The following PLXDC2 variants were observed in gnomAD, a reference collection of about 807,000 sequenced individuals.
PLXDC2 encodes plexin domain-containing protein 2.
Under a neutral mutation model 68.9 loss-of-function variants are expected in PLXDC2, and 40 were observed. The observed-to-expected ratio is 0.58, with a 90% confidence interval of 0.45 to 0.76. PLXDC2 has a LOEUF of 0.76. PLXDC2 is among the 30% of genes least tolerant of loss of function. PLXDC2 has a pLI of 0.00. For synonymous variants in PLXDC2, 243 were observed against 234.2 expected, an observed-to-expected ratio of 1.04 and a Z score of -0.34; for missense variants, 644 against 661.9, an observed-to-expected ratio of 0.97 and a Z score of 0.30.
intron 1 of PLXDC2, among the ~76,000 whole-genome samples, chr10:19,902,878 T>G (rs2131368619): frequency 6.6e-6 from 1 of 152,340 alleles, no homozygotes; most frequent in South Asian, 2.1e-4. Context: ...GCTGAGGGTT[T>G]TAATCATAAA....
chr10:20,110,736 C>G (rs1009363264), intron 4 of PLXDC2, among the ~76,000 whole-genome samples: 1 of 152,226 alleles, frequency 6.6e-6, no homozygotes, highest in Non-Finnish European at 1.5e-5. Flanking sequence ...CATCTCCTCT[C>G]CTAACCCTTG....
chr10:19,996,528 G>T (rs1159424444), intron 1 of PLXDC2, among the ~76,000 whole-genome samples: 1 of 152,226 alleles, frequency 6.6e-6, no homozygotes, highest in African/African-American at 2.4e-5. Context: ...TGAGGCTGTA[G>T]TGAGCTATGA....
rs191821402 is a variant in PLXDC2, at chr10:19,952,271, G to A, written c.113-49504G>A. 1.2e-4 allele frequency among the ~76,000 whole-genome samples: 19 copies of A among 152,024 alleles called. 1 individual carries two copies. Among genetic ancestry groups the A allele is most frequent in the African/African-American group, 3.6e-4 (15 of 41,386 alleles). ...GTATCCAAGAGATATCTCTCCGTCC[G>A]CTTGGCTACTTAACAGCAGCTGTTG... On this transcript the variant is annotated intron_variant, in intron 1 of 13. Coordinates refer to ENST00000377252, the MANE Select transcript of PLXDC2 (RefSeq NM_032812.9).
intron 1 of PLXDC2, among the ~76,000 whole-genome samples, chr10:19,924,256 C>T (rs73601652): frequency 0.035 from 5,372 of 152,192 alleles, 307 homozygotes; most frequent in African/African-American, 0.12. Flanking sequence ...TCTTCCTTTA[C>T]GTTTTCCTAA....
At chr10:20,197,007 C>T (rs1834848801) in intron 9 of PLXDC2, among the ~76,000 whole-genome samples, 1 of 151,682 alleles carries the variant, frequency 6.6e-6, no homozygotes, top group Non-Finnish European at 1.5e-5. Flanking sequence ...TTTTCTAATA[C>T]GATGCAATGT....
chr10:19,915,704 C>A (rs1161768837), intron 1 of PLXDC2, among the ~76,000 whole-genome samples: 3 of 152,062 alleles, frequency 2.0e-5, no homozygotes, highest in African/African-American at 7.2e-5. Flanking sequence ...TTCTCCGTCT[C>A]TACCTTTTGG....
chr10:20,027,336 T>G (rs151149105), intron 2 of PLXDC2, among the ~76,000 whole-genome samples: 1 of 152,072 alleles, frequency 6.6e-6, no homozygotes, highest in Non-Finnish European at 1.5e-5. Context: ...AATGTTGTTA[T>G]GAAAAGGGTG....
intron 1 of PLXDC2, among the ~76,000 whole-genome samples, chr10:19,886,948 C>G (rs1392454749): frequency 6.6e-6 from 1 of 152,108 alleles, no homozygotes; most frequent in African/African-American, 2.4e-5. Flanking sequence ...AACCTCTGGA[C>G]AATTTCACTG....
intron 10 of PLXDC2, among the ~76,000 whole-genome samples, chr10:20,212,177 G>T (rs1218584235): frequency 6.6e-6 from 1 of 151,926 alleles, no homozygotes. Context: ...ATCTGTAGAG[G>T]AGTTCTCTTA....
intron 1 of PLXDC2, among the ~76,000 whole-genome samples, chr10:19,986,282 A>G (rs1365962701): frequency 6.6e-6 from 1 of 152,184 alleles, no homozygotes; most frequent in East Asian, 1.9e-4. Flanking sequence ...TCGAGTTAGG[A>G]TTAGCATTCT....
At chr10:19,937,794 A>G (rs1833751939) in intron 1 of PLXDC2, among the ~76,000 whole-genome samples, 1 of 151,826 alleles carries the variant, frequency 6.6e-6, no homozygotes, top group African/African-American at 2.4e-5. Flanking sequence ...CTAGATGAGG[A>G]AGGGTTCCTG....
chr10:20,069,648 C>T (rs554356262), intron 4 of PLXDC2, among the ~76,000 whole-genome samples: 1 of 152,064 alleles, frequency 6.6e-6, no homozygotes, highest in South Asian at 2.1e-4. Flanking sequence ...GAGCAAGACT[C>T]TATCTCTGAA....
chr10:20,133,144 A>C (rs1833889305), intron 4 of PLXDC2, among the ~76,000 whole-genome samples: 1 of 152,124 alleles, frequency 6.6e-6, no homozygotes, highest in South Asian at 2.1e-4. Context: ...TCACAATTTT[A>C]TCTTTTTTAT....
chr10:20,146,522 C>CCTTCCTTCCTTCCTT (rs34536505), intron 5 of PLXDC2, among the ~76,000 whole-genome samples: 3 of 13,558 alleles, frequency 2.2e-4, no homozygotes, highest in Non-Finnish European at 3.4e-4. Context: ...CTTCCTTCCT[C>CCTTCCTTCCTTCCTT]CCTCCCTCCC....
intron 1 of PLXDC2, among the ~76,000 whole-genome samples, chr10:19,939,993 A>G (rs1237012599): frequency 6.6e-6 from 1 of 151,892 alleles, no homozygotes; most frequent in Non-Finnish European, 1.5e-5. Context: ...TTTTTATATA[A>G]TATGTCTATT....
intron 4 of PLXDC2, among the ~76,000 whole-genome samples, chr10:20,132,872 T>A (rs1833886367): frequency 6.6e-6 from 1 of 152,098 alleles, no homozygotes; most frequent in Admixed American, 6.5e-5. Flanking sequence ...CTATTGCCAT[T>A]TTATTGTTTT....
At chr10:20,263,509 G>T (rs2119369232) in intron 13 of PLXDC2, among the ~76,000 whole-genome samples, 1 of 152,280 alleles carries the variant, frequency 6.6e-6, no homozygotes, top group African/African-American at 2.4e-5. Context: ...TGGCAAATGG[G>T]ATCTAATTTA....
intron 4 of PLXDC2, among the ~76,000 whole-genome samples, chr10:20,124,204 C>A (rs1833739400): frequency 6.6e-6 from 1 of 152,254 alleles, no homozygotes; most frequent in Non-Finnish European, 1.5e-5. Flanking sequence ...GGAAGGCTGC[C>A]TTCCCTAGTC....
At chr10:19,903,638 A>G (rs1208212192) in intron 1 of PLXDC2, among the ~76,000 whole-genome samples, 1 of 145,296 alleles carries the variant, frequency 6.9e-6, no homozygotes, top group African/African-American at 2.5e-5. Flanking sequence ...CTTTTGTTTC[A>G]TTTATCTTTT....
Sources: gnomAD v4.1 joint callset for allele counts (sites outside exome capture counted in the v4.1 genomes callset) on GRCh38, gnomAD v4.1.1 for gene constraint, MANE v1.5 for transcripts, NCBI Gene and HGNC (gene_info 2026-07-23, HGNC 2026-07-21) for gene names.